The following CDC42BPB variants were observed in gnomAD, a reference collection of about 807,000 sequenced individuals.
The protein encoded by CDC42BPB is serine/threonine-protein kinase MRCK beta.
CDC42BPB carries 37 observed loss-of-function variants against 214.9 expected under a neutral mutation model. That is an observed-to-expected ratio of 0.17 (90% CI 0.13 to 0.23). The LOEUF (loss-of-function observed/expected upper bound fraction) is 0.23, where lower values mean the gene tolerates loss of function less well. Ranked by LOEUF, CDC42BPB falls within the 10% of genes least tolerant of loss-of-function variation. The pLI, the probability that CDC42BPB is intolerant of heterozygous loss-of-function variation, is 1.00. For missense variants in CDC42BPB, 1,694 were observed against 2,227.0 expected, an observed-to-expected ratio of 0.76 and a Z score of 4.82; for synonymous variants, 931 against 884.0, an observed-to-expected ratio of 1.05 and a Z score of -0.94.
chr14:102,940,630 T>A (rs1454547141), intron 30 of CDC42BPB: 1 of 512,720 alleles, frequency 2.0e-6, no homozygotes, highest in Non-Finnish European at 3.2e-6. Context: ...TCTCATGAGA[T>A]GTGATTATCC....
At chr14:102,965,179 C>A (rs7145212) in intron 18 of CDC42BPB, among the ~76,000 whole-genome samples, 143,818 of 151,986 alleles carry the variant, frequency 0.95, 68,245 homozygotes, top group Middle Eastern at 0.99. Flanking sequence ...TGATCCACCC[C>A]CCTTGGCCTC....
At chr14:103,043,422 G>A (rs1210670269) in intron 1 of CDC42BPB, among the ~76,000 whole-genome samples, 2 of 152,178 alleles carry the variant, frequency 1.3e-5, no homozygotes, top group Non-Finnish European at 2.9e-5. Flanking sequence ...TGTCAGTCAT[G>A]AAAGACCCAT....
chr14:103,032,738 T>C (rs1452661185), intron 1 of CDC42BPB, among the ~76,000 whole-genome samples: 1 of 150,022 alleles, frequency 6.7e-6, no homozygotes, highest in African/African-American at 2.4e-5. Context: ...GTTCAAGCAA[T>C]TCTCCTGCCC....
At chr14:103,053,527 C>T (rs1334543983) in intron 1 of CDC42BPB, among the ~76,000 whole-genome samples, 17 of 151,646 alleles carry the variant, frequency 1.1e-4, no homozygotes, top group Admixed American at 5.9e-4. Context: ...TTTGGGAGGC[C>T]AAGGGGGGCA....
intron 18 of CDC42BPB, among the ~76,000 whole-genome samples, chr14:102,965,054 T>A (rs899496770): frequency 1.3e-5 from 2 of 152,104 alleles, no homozygotes; most frequent in African/African-American, 4.8e-5. Flanking sequence ...GCCTCTCCAG[T>A]AGCCAGTAGC....
In CDC42BPB at chr14:103,044,366, C is replaced by CTT. The variant is rs869225876; in HGVS notation, c.175+12631_175+12632dup. Among the ~76,000 whole-genome samples, 73 of 129,016 alleles carry CTT rather than the reference C, an allele frequency of 5.7e-4. 1 individual carries two copies. Among genetic ancestry groups the CTT allele is most frequent in the East Asian group, 8.8e-4 (4 of 4,564 alleles). The allele number at this position is 129,016 out of a possible 152,430, so 84.6% of individuals were successfully genotyped here. A position where few individuals can be genotyped will look rare whatever the true frequency, so the allele number is the denominator to read the frequency against. The stretch of plus-strand genomic sequence containing the variant: ...AGGTGCACACCAACACAGCCGGCAC[C>CTT]TTTTTTTTTTTTTTTTTTTTTGAGA... On this transcript the variant is annotated intron_variant, in intron 1 of 36. Coordinates refer to ENST00000361246, the MANE Select transcript of CDC42BPB (RefSeq NM_006035.4).
chr14:102,933,281 C>A lies in CDC42BPB; in HGVS notation c.*431G>T, dbSNP rs1891478443. 6.3e-6 allele frequency: 1 copy of A among 159,132 alleles called. No homozygotes were observed. Among genetic ancestry groups the A allele is most frequent in the South Asian group, 2.0e-4 (1 of 4,906 alleles). The allele number at this position is 159,132 out of a possible 1,614,324, so 9.9% of individuals were successfully genotyped here. On this transcript the variant is annotated 3_prime_UTR_variant, in exon 37 of 37. Coordinates refer to ENST00000361246, the MANE Select transcript of CDC42BPB (RefSeq NM_006035.4). ...TGACACTGGGAATGCTATAGGACCT[C>A]CTACTATTCTCTTAAGGTCCTAGGA...
chr14:102,988,871 C>CAAAAAAA (rs34126680), intron 5 of CDC42BPB, among the ~76,000 whole-genome samples: 3 of 116,796 alleles, frequency 2.6e-5, no homozygotes, highest in Non-Finnish European at 5.3e-5. Context: ...CCCCCCCTTC[C>CAAAAAAA]AAAAAAAAAA....
In CDC42BPB at chr14:102,932,875, T is replaced by TTGG. The variant is rs1555382397; in HGVS notation, c.*836_*837insCCA. 1 of 60,586 alleles carries TTGG rather than the reference T, an allele frequency of 1.7e-5. No individual in the cohort carries two copies. Among genetic ancestry groups the TTGG allele is most frequent in the African/African-American group, 9.3e-5 (1 of 10,736 alleles). 3.8% of individuals were successfully genotyped at this position (60,586 alleles called of 1,614,324 possible). ...GGGCTCCATGCGGGGGCAGGACTGG[T>TTGG]GGGGGGGGGGGCGGGCAGGGCGGGG... On this transcript the variant is annotated 3_prime_UTR_variant, in exon 37 of 37. Transcript: ENST00000361246.
Position 102,999,786 on chromosome 14 carries a change from C to T in CDC42BPB, c.448-73G>A, listed in dbSNP as rs1483989365. ...CTAAACCTGACAGTTACAGGCCAGTCTTCCATGGCGAGGTTCTCAGGCTCC... is the reference window on the plus strand; with the variant it reads ...CTAAACCTGACAGTTACAGGCCAGTTTTCCATGGCGAGGTTCTCAGGCTCC... On this transcript the variant is annotated intron_variant, in intron 4 of 36. Transcript: ENST00000361246. The T allele has an allele frequency of 2.5e-6, 4 of 1,575,634 alleles. No homozygotes were observed. The African/African-American group carries it at 5.4e-5, about 21-fold the overall frequency.
chr14:102,946,898 C>T (rs938893692), intron 27 of CDC42BPB: 9 of 984,334 alleles, frequency 9.1e-6, no homozygotes, highest in African/African-American at 5.2e-5. Context: ...CCCGTGAGAT[C>T]GCTTCCTGGT....
chr14:103,040,844 T>TA (rs1290280353), intron 1 of CDC42BPB, among the ~76,000 whole-genome samples: 2 of 152,194 alleles, frequency 1.3e-5, no homozygotes, highest in Non-Finnish European at 2.9e-5. Flanking sequence ...AAGATGGCAA[T>TA]ACTCCCCAAA....
chr14:102,975,563 G>T, intron 11 of CDC42BPB, 121 bp downstream of exon 11: 1 of 1,067,198 alleles, frequency 9.4e-7, no homozygotes, highest in Non-Finnish European at 1.4e-6. Flanking sequence ...CTCTAAATAA[G>T]CTTGCTAAAG....
At chr14:102,955,771 A>C (rs1892681477) in intron 21 of CDC42BPB, among the ~76,000 whole-genome samples, 1 of 152,254 alleles carries the variant, frequency 6.6e-6, no homozygotes, top group Non-Finnish European at 1.5e-5. Context: ...AAGCAGTGTG[A>C]TGGGACACAG....
At chr14:102,990,810 T>G (rs1472184039) in intron 5 of CDC42BPB, among the ~76,000 whole-genome samples, 1 of 152,154 alleles carries the variant, frequency 6.6e-6, no homozygotes, top group African/African-American at 2.4e-5. Context: ...TCGGCTAGAA[T>G]GCCAAATATG....
chr14:102,945,183 C>T (rs777629556), intron 29 of CDC42BPB: 6 of 454,012 alleles, frequency 1.3e-5, no homozygotes, highest in African/African-American at 4.0e-5. Flanking sequence ...CATGAAATGT[C>T]GCTGGATTCC....
chr14:102,934,224 C>A (rs1011101954), intron 36 of CDC42BPB: 1 of 186,280 alleles, frequency 5.4e-6, no homozygotes, highest in Admixed American at 6.4e-5. Flanking sequence ...TGTGGTAACA[C>A]CCCATCTCTA....
chr14:102,976,138 C>T, intron 9 of CDC42BPB, 89 bp from the exon 10 acceptor site: 3 of 1,536,992 alleles, frequency 2.0e-6, no homozygotes, highest in East Asian at 2.3e-5. Flanking sequence ...GAAAGATAGT[C>T]TTTTTAAATC....
intron 25 of CDC42BPB, 154 bp from the exon 26 acceptor site, chr14:102,950,058 T>C (rs1462740082): frequency 1.0e-6 from 1 of 985,346 alleles, no homozygotes; most frequent in African/African-American, 1.7e-5. Context: ...AAGGCGTTGC[T>C]GGGGAGGGGT....
Sources: allele counts gnomAD v4.1 joint callset (sites outside exome capture counted in the v4.1 genomes callset), GRCh38; gene constraint gnomAD v4.1.1; transcripts MANE v1.5; gene names NCBI Gene and HGNC (gene_info 2026-07-23, HGNC 2026-07-21).